The following MICU1 variants were observed in gnomAD, a reference collection of about 807,000 sequenced individuals.
MICU1 encodes mitochondrial calcium uptake 1, also known as calcium uptake protein 1, mitochondrial.
Under a neutral mutation model 56.8 loss-of-function variants are expected in MICU1, and 45 were observed. That is an observed-to-expected ratio of 0.79 (90% confidence interval 0.62 to 1.02). The LOEUF (loss-of-function observed/expected upper bound fraction) is 1.02. Ranked by LOEUF, MICU1 falls within the 50% of genes least tolerant of loss-of-function variation. MICU1 has a pLI of 0.00. For synonymous variants in MICU1, 186 were observed against 195.1 expected (o/e 0.95, Z 0.39); for missense variants, 504 against 587.1 (o/e 0.86, Z 1.46).
chr10:72,381,963 T>TATACACACAC (rs1464438378), intron 10 of MICU1, among the ~76,000 whole-genome samples: 30 of 138,452 alleles, frequency 2.2e-4, no homozygotes, highest in Middle Eastern at 3.6e-3. Context: ...TATATATCTA[T>TATACACACAC]ACACACACAC....
intron 9 of MICU1, among the ~76,000 whole-genome samples, chr10:72,420,559 T>C (rs774967230): frequency 6.6e-6 from 1 of 152,204 alleles, no homozygotes; most frequent in Non-Finnish European, 1.5e-5. Context: ...TTCTTGGTCA[T>C]GGTCAGATGG....
At chr10:72,488,648 C>T (rs1386501965) in intron 6 of MICU1, among the ~76,000 whole-genome samples, 2 of 151,732 alleles carry the variant, frequency 1.3e-5, no homozygotes, top group Non-Finnish European at 2.9e-5. Flanking sequence ...TTTTTTTCCC[C>T]ACTGCTCCAG....
intron 1 of MICU1, among the ~76,000 whole-genome samples, chr10:72,586,251 A>AGT (rs1184313999): frequency 7.9e-5 from 12 of 151,752 alleles, no homozygotes; most frequent in Non-Finnish European, 1.8e-4. Flanking sequence ...AGCTCAAGCC[A>AGT]CACTCCCACC....
At chr10:72,578,265 A>AT (rs1055608629) in intron 1 of MICU1, among the ~76,000 whole-genome samples, 44 of 149,590 alleles carry the variant, frequency 2.9e-4, no homozygotes, top group East Asian at 2.3e-3. Flanking sequence ...AGCAATAAAG[A>AT]TTTTTTTTTT....
At chr10:72,520,987 G>T (rs1366883269) in intron 5 of MICU1, among the ~76,000 whole-genome samples, 2 of 151,982 alleles carry the variant, frequency 1.3e-5, no homozygotes, top group East Asian at 3.9e-4. Flanking sequence ...CTAAATCTAA[G>T]AATTTAATTT....
chr10:72,458,651 C>T (rs1865547349), intron 8 of MICU1, among the ~76,000 whole-genome samples: 1 of 151,404 alleles, frequency 6.6e-6, no homozygotes, highest in South Asian at 2.1e-4. Context: ...TCTTTCTTAA[C>T]TCCTCTTCTA....
chr10:72,411,351 G>A (rs1252055086), intron 9 of MICU1, among the ~76,000 whole-genome samples: 2 of 148,810 alleles, frequency 1.3e-5, no homozygotes, highest in Admixed American at 6.7e-5. Context: ...TTTTTGAGAC[G>A]GAGTCTCGCT....
At chr10:72,378,047 C>T (rs758078013) in intron 10 of MICU1, among the ~76,000 whole-genome samples, 3 of 152,034 alleles carry the variant, frequency 2.0e-5, no homozygotes, top group East Asian at 1.9e-4. Flanking sequence ...GTCAGGAGTT[C>T]GAGACCAGCC....
intron 1 of MICU1, among the ~76,000 whole-genome samples, chr10:72,577,809 G>A (rs1840788956): frequency 6.6e-6 from 1 of 152,118 alleles, no homozygotes; most frequent in Non-Finnish European, 1.5e-5. Context: ...GTTCATCCAT[G>A]TTCATACAGC....
At chr10:72,566,608 A>G (rs1840445679) in intron 2 of MICU1, 25 bp downstream of exon 2, 1 of 1,602,304 alleles carries the variant, frequency 6.2e-7, no homozygotes, top group Non-Finnish European at 8.5e-7. Flanking sequence ...TATACGCAAG[A>G]ACAAGATGGT....
chr10:72,399,475 A>C (rs1297603354), intron 10 of MICU1, among the ~76,000 whole-genome samples: 1 of 151,992 alleles, frequency 6.6e-6, no homozygotes, highest in African/African-American at 2.4e-5. Context: ...TAAATAAATA[A>C]AATAAAATAA....
intron 8 of MICU1, among the ~76,000 whole-genome samples, chr10:72,431,102 A>G (rs74450320): frequency 6.7e-4 from 96 of 142,718 alleles, no homozygotes; most frequent in African/African-American, 2.3e-3. Flanking sequence ...CTGTCTATCT[A>G]TCTATCTATC....
At chr10:72,491,885 C>A (rs932771407) in intron 6 of MICU1, among the ~76,000 whole-genome samples, 1 of 151,836 alleles carries the variant, frequency 6.6e-6, no homozygotes, top group African/African-American at 2.4e-5. Context: ...ACAAGATAGG[C>A]TTTGCAAACA....
chr10:72,541,814 G>C (rs1245334292), intron 4 of MICU1, among the ~76,000 whole-genome samples: 1 of 152,166 alleles, frequency 6.6e-6, no homozygotes, highest in African/African-American at 2.4e-5. Context: ...GGCAATTACA[G>C]AGAAGCATGA....
chr10:72,465,503 C>CTTTTTTTTTTTT (rs10586216), intron 8 of MICU1, among the ~76,000 whole-genome samples: 1 of 57,748 alleles, frequency 1.7e-5, no homozygotes, highest in African/African-American at 4.8e-5. Context: ...CTGTTCAGGT[C>CTTTTTTTTTTTT]TTTTTTTTTT....
chr10:72,625,390 A>G (rs1204973105), intron 1 of MICU1, among the ~76,000 whole-genome samples: 1 of 152,194 alleles, frequency 6.6e-6, no homozygotes, highest in Non-Finnish European at 1.5e-5. Flanking sequence ...CAACATTCAC[A>G]TAGAGTCAAT....
chr10:72,500,286 ATATATATATATATATATTTTTTTTTTT>A (rs1564904729), intron 6 of MICU1, among the ~76,000 whole-genome samples: 48 of 8,624 alleles, frequency 5.6e-3, no homozygotes, highest in African/African-American at 7.7e-3. Context: ...ATATATATAT[ATATATATATATATATATTTTTTTTTTT>A]TTTTTTTTTT....
At chr10:72,603,061 C>T (rs1383399057) in intron 1 of MICU1, among the ~76,000 whole-genome samples, 3 of 151,594 alleles carry the variant, frequency 2.0e-5, no homozygotes, top group Non-Finnish European at 4.4e-5. Context: ...CAAATGAGAT[C>T]CTGTCTTGCA....
At chr10:72,379,529 A>G (rs537170094) in intron 10 of MICU1, 1 of 421,916 alleles carries the variant, frequency 2.4e-6, no homozygotes, top group East Asian at 7.8e-5. Context: ...AGCCTTCTGC[A>G]ATTGTCTTGA....
Sources: allele counts gnomAD v4.1 joint callset (sites outside exome capture counted in the v4.1 genomes callset), GRCh38; gene constraint gnomAD v4.1.1; transcripts MANE v1.5; gene names NCBI Gene and HGNC (gene_info 2026-07-23, HGNC 2026-07-21).